Variants in IQCH observed in about 807,000 individuals in gnomAD.
The protein encoded by IQCH is IQ motif containing H, also known as IQ domain-containing protein H.
Under a neutral mutation model 117.0 loss-of-function variants are expected in IQCH, and 98 were observed. That is an observed-to-expected ratio of 0.84 (90% confidence interval 0.71 to 0.99). The LOEUF (loss-of-function observed/expected upper bound fraction) is 0.99, where lower values mean the gene tolerates loss of function less well. Among genes scored for constraint, IQCH ranks in the 50% least tolerant of loss-of-function variants. IQCH has a pLI of 0.00. For synonymous variants in IQCH, 412 were observed against 448.2 expected (o/e 0.92, Z 1.02); for missense variants, 1,102 against 1,243.8 (o/e 0.89, Z 1.72).
In IQCH at chr15:67,391,960, A is replaced by G. The variant is rs1971299647; in HGVS notation, c.1632+2954A>G. On this transcript the variant is annotated intron_variant, in intron 12 of 20. Transcript: ENST00000335894. The surrounding 1 kb of genome is among the most constrained non-coding windows in gnomAD (Gnocchi z 4.3). Reference sequence around the variant, plus strand: ...TGTTAACATTAGGTTCTATTGCTGCATCTGCCATCCCCCTTCACATCTCAA... The same window carrying G: ...TGTTAACATTAGGTTCTATTGCTGCGTCTGCCATCCCCCTTCACATCTCAA... Among the ~76,000 whole-genome samples, 1 of 152,164 alleles carries G rather than the reference A, an allele frequency of 6.6e-6. No homozygotes were observed. Among genetic ancestry groups the G allele is most frequent in the Non-Finnish European group, 1.5e-5 (1 of 68,012 alleles).
In IQCH at chr15:67,376,147, TCTC is replaced by T. The variant is rs771118924; in HGVS notation, c.1372+2717_1372+2719del. On this transcript the variant is annotated intron_variant, in intron 10 of 20. Transcript: ENST00000335894. The surrounding 1 kb of genome is among the most constrained non-coding windows in gnomAD (Gnocchi z 5.0). ...TAAATTAAGTAACAACAAGCTGTCA[TCTC>T]CTACCTATTCCACAGATAGAATTCT... 2.6e-5 allele frequency among the ~76,000 whole-genome samples: 4 copies of T among 152,172 alleles called. No individual in the cohort carries two copies. Among genetic ancestry groups the T allele is most frequent in the Non-Finnish European group, 4.4e-5 (3 of 68,038 alleles).
chr15:67,442,863 G>GATAGATAT (rs1555499849), intron 16 of IQCH, among the ~76,000 whole-genome samples: 1 of 115,936 alleles, frequency 8.6e-6, no homozygotes, highest in African/African-American at 3.4e-5. Flanking sequence ...TAGATAGATA[G>GATAGATAT]ATATACATAT....
intron 4 of IQCH, among the ~76,000 whole-genome samples, chr15:67,293,567 G>C (rs2140508830): frequency 6.6e-6 from 1 of 151,822 alleles, no homozygotes; most frequent in East Asian, 1.9e-4. Flanking sequence ...AAAAGAGTCT[G>C]TATATGTTTG....
At chr15:67,488,676 G>C (rs149345842) in intron 18 of IQCH, among the ~76,000 whole-genome samples, 2 of 152,350 alleles carry the variant, frequency 1.3e-5, no homozygotes, top group East Asian at 3.9e-4. Flanking sequence ...GGTAGAGGGA[G>C]TATGGTTTCA....
At position 67,255,214 on chromosome 15, in the gene IQCH, CA is replaced by C; in HGVS notation, c.51+268del. The C allele has an allele frequency of 1.3e-5, 7 of 533,946 alleles. No homozygotes were observed. The South Asian group carries it at 1.8e-4, about 14-fold the overall frequency. 33.1% of individuals were successfully genotyped at this position (533,946 alleles called of 1,614,324 possible). On this transcript the variant is annotated intron_variant, in intron 1 of 20. Coordinates refer to ENST00000335894, the MANE Select transcript of IQCH (RefSeq NM_001031715.3). ...AACCGTTCACCCGGAACCTTTACTT[CA>C]GAAAAATTAACCTCACGCTGAGGCA... is the stretch of plus-strand genomic sequence containing the variant.
In IQCH at chr15:67,384,381, G is replaced by A. The variant is rs1971039955; in HGVS notation, c.1373-555G>A. Among the ~76,000 whole-genome samples, 1 of 152,160 alleles carries A rather than the reference G, an allele frequency of 6.6e-6. No homozygotes were observed. Among genetic ancestry groups the A allele is most frequent in the East Asian group, 1.9e-4 (1 of 5,202 alleles). ...CAGGACTTTTATTAGTACTGACAAA[G>A]TAACTGCATTAGCTCTTCTTGCCCT... On this transcript the variant is annotated intron_variant, in intron 10 of 20. Transcript: ENST00000335894. This position sits in a 1 kb window ranked among gnomAD's most constrained non-coding sequence, Gnocchi z 4.3.
At chr15:67,348,396 A>C (rs549223320) in intron 6 of IQCH, among the ~76,000 whole-genome samples, 1 of 151,704 alleles carries the variant, frequency 6.6e-6, no homozygotes, top group Non-Finnish European at 1.5e-5. Flanking sequence ...CACAAAAGCT[A>C]CTAGAACTAA....
At chr15:67,351,266 G>A (rs1186873669) in intron 6 of IQCH, among the ~76,000 whole-genome samples, 1 of 151,700 alleles carries the variant, frequency 6.6e-6, no homozygotes, top group Admixed American at 6.6e-5. Context: ...ACAGTCCCTG[G>A]TGTGTAATGT....
intron 5 of IQCH, among the ~76,000 whole-genome samples, chr15:67,339,959 G>A (rs1969068004): frequency 6.6e-6 from 1 of 151,904 alleles, no homozygotes; most frequent in African/African-American, 2.4e-5. Flanking sequence ...TATAAATTTG[G>A]GTAAATTTCT....
At chr15:67,350,105 A>C (rs547601317) in intron 6 of IQCH, among the ~76,000 whole-genome samples, 1 of 152,362 alleles carries the variant, frequency 6.6e-6, no homozygotes, top group South Asian at 2.1e-4. Flanking sequence ...TGCTTTATTC[A>C]TAATCACCAA....
At chr15:67,419,423 C>T (rs1190618452) in intron 15 of IQCH, among the ~76,000 whole-genome samples, 1 of 152,210 alleles carries the variant, frequency 6.6e-6, no homozygotes. Flanking sequence ...TCACCATCTC[C>T]CTCCCTCCAG....
At chr15:67,297,263 A>G (rs1966858222) in intron 4 of IQCH, among the ~76,000 whole-genome samples, 1 of 152,214 alleles carries the variant, frequency 6.6e-6, no homozygotes, top group Non-Finnish European at 1.5e-5. Flanking sequence ...TTGACATTTT[A>G]TTAAGAAAAT....
At chr15:67,280,063 A>C (rs2034728017) in intron 4 of IQCH, among the ~76,000 whole-genome samples, 1 of 152,208 alleles carries the variant, frequency 6.6e-6, no homozygotes, top group Admixed American at 6.5e-5. Context: ...ATCTCAATGA[A>C]GCTGTTAAAA....
intron 4 of IQCH, among the ~76,000 whole-genome samples, chr15:67,322,888 T>C (rs1244376649): frequency 6.6e-6 from 1 of 152,100 alleles, no homozygotes; most frequent in East Asian, 1.9e-4. Flanking sequence ...GATTGGTTTG[T>C]GATTATGCAA....
Position 67,430,307 on chromosome 15 carries a change from T to A in IQCH, c.2505+8730T>A, listed in dbSNP as rs1278339536. On this transcript the variant is annotated intron_variant, in intron 16 of 20. Coordinates refer to ENST00000335894, the MANE Select transcript of IQCH (RefSeq NM_001031715.3). This position sits in a 1 kb window ranked among gnomAD's most constrained non-coding sequence, Gnocchi z 5.1. ...AGTATCTAGTAGGTTCTAGGAGGGA[T>A]ATGAAGTACTTACTAAAGGCTTTAA... is the stretch of plus-strand genomic sequence containing the variant. 6.6e-6 allele frequency: 1 copy of A among 152,072 alleles called. No individual in the cohort carries two copies. Among genetic ancestry groups the A allele is most frequent in the Non-Finnish European group, 1.5e-5 (1 of 68,012 alleles). The allele number at this position is 152,072 out of a possible 1,614,324, so 9.4% of individuals were successfully genotyped here.
At chr15:67,299,824 G>A (rs1022169217) in intron 4 of IQCH, among the ~76,000 whole-genome samples, 3 of 152,076 alleles carry the variant, frequency 2.0e-5, no homozygotes. Context: ...GCTGTACCCA[G>A]TGCCTGTGTA....
At position 67,376,787 on chromosome 15, in the gene IQCH, C is replaced by T. The variant is rs1159432550; in HGVS notation, c.1372+3354C>T. ...AAAATCTGTGGCTTGGTAATATGAA[C>T]AGTAAGACAATTAAACATTGTGGAG... On this transcript the variant is annotated intron_variant, in intron 10 of 20. Transcript: ENST00000335894. The surrounding 1 kb of genome is among the most constrained non-coding windows in gnomAD (Gnocchi z 5.0). 6.6e-6 allele frequency among the ~76,000 whole-genome samples: 1 copy of T among 151,964 alleles called. No individual in the cohort carries two copies. Among genetic ancestry groups the T allele is most frequent in the Non-Finnish European group, 1.5e-5 (1 of 67,994 alleles).
At chr15:67,285,643 G>T (rs368852787) in intron 4 of IQCH, among the ~76,000 whole-genome samples, 21 of 152,210 alleles carry the variant, frequency 1.4e-4, no homozygotes, top group African/African-American at 5.1e-4. Context: ...GTGTAAGGAA[G>T]GGGTCCAGTT....
Position 67,466,460 on chromosome 15 carries a change from T to C in IQCH, c.2676+1163T>C, listed in dbSNP as rs764505358. On this transcript the variant is annotated intron_variant, in intron 17 of 20. Coordinates refer to ENST00000335894, the MANE Select transcript of IQCH (RefSeq NM_001031715.3). The surrounding 1 kb of genome is among the most constrained non-coding windows in gnomAD (Gnocchi z 4.4). ...ACAGATAAAAGAGGAACTCTAGTGA[T>C]TAATGGGACCCAACATGAGTGTCCC... The C allele has an allele frequency of 5.9e-5, 9 of 152,180 alleles. No individual in the cohort carries two copies. The highest frequency in any genetic ancestry group is 1.2e-4 in the Non-Finnish European group (8 of 68,026). The allele number at this position is 152,180 out of a possible 1,614,324, so 9.4% of individuals were successfully genotyped here.
Sources: allele counts gnomAD v4.1 joint callset (sites outside exome capture counted in the v4.1 genomes callset), GRCh38; gene constraint gnomAD v4.1.1; non-coding constraint Gnocchi (gnomAD v3.1); transcripts MANE v1.5; gene names NCBI Gene and HGNC (gene_info 2026-07-23, HGNC 2026-07-21).